AFTPH: variants seen among roughly 807,000 people sequenced by gnomAD.
The protein encoded by AFTPH is aftiphilin, also known as aftiphilin protein.
A neutral mutation model predicts 72.5 loss-of-function variants in AFTPH; 7 were observed. That is an observed-to-expected ratio of 0.10 (90% CI 0.05 to 0.18). The LOEUF (loss-of-function observed/expected upper bound fraction) is 0.18. AFTPH is among the 10% of genes least tolerant of loss of function. The pLI is 1.00. For synonymous variants in AFTPH, 337 were observed against 370.1 expected, an observed-to-expected ratio of 0.91 and a Z score of 1.03; for missense variants, 979 against 1,060.5, an observed-to-expected ratio of 0.92 and a Z score of 1.07.
chr2:64,591,912 A>G, exon 9 of AFTPH: 2 of 1,613,994 alleles, frequency 1.2e-6, no homozygotes, highest in Non-Finnish European at 1.7e-6. Context: ...AAGAGCACCT[A>G]AGTGAAGAAG....
At chr2:64,534,008 G>GTA (rs1220316189) in intron 1 of AFTPH, among the ~76,000 whole-genome samples, 9 of 152,144 alleles carry the variant, frequency 5.9e-5, no homozygotes, top group African/African-American at 1.2e-4. Flanking sequence ...ACATTTTAGT[G>GTA]AGGCCACAGT....
In AFTPH at chr2:64,573,469, GTATT is replaced by G. The variant is rs532878634; in HGVS notation, c.2394+405_2394+408del. 2.7e-3 allele frequency among the ~76,000 whole-genome samples: 408 copies of G among 151,234 alleles called. 2 individuals carry two copies. The highest frequency in any genetic ancestry group is 4.6e-3 in the Admixed American group (70 of 15,160). ...AAAAGAAAAGAAAAAAGGAAACACTGTATTTATACCAACTCTATAAGTCTGCTAT... is the reference window on the plus strand; with the variant it reads ...AAAAGAAAAGAAAAAAGGAAACACTGTATACCAACTCTATAAGTCTGCTAT... On this transcript the variant is annotated intron_variant, in intron 6 of 8. Transcript: ENST00000238856.
exon 2 of AFTPH, chr2:64,552,225 G>A (rs777400382): frequency 6.2e-7 from 1 of 1,613,886 alleles, no homozygotes; most frequent in East Asian, 2.2e-5. Flanking sequence ...AATAGAATGT[G>A]CAGTTTTAAA....
rs929650813 is a variant in AFTPH, at chr2:64,579,563, A to T, written c.2455+17A>T. On this transcript the variant is annotated intron_variant, in intron 7 of 8. Coordinates refer to ENST00000238856, the Ensembl canonical transcript of AFTPH. ...CTTTAGATGGTACGTCTCTCCGTAG[A>T]GCCTCTAGCACCAGAGCTAGAGTTA... The T allele has an allele frequency of 2.5e-6, 4 of 1,609,198 alleles. No homozygotes were observed. The African/African-American group carries it at 5.3e-5, about 22-fold the overall frequency.
exon 3 of AFTPH, chr2:64,567,672 C>G (rs1177683017): frequency 6.2e-7 from 1 of 1,613,650 alleles, no homozygotes; most frequent in Non-Finnish European, 8.5e-7. Flanking sequence ...TGGAAACAAG[C>G]ACTTTGCCAA....
chr2:64,581,245 T>C (rs1673178061), intron 7 of AFTPH: 1 of 1,600,654 alleles, frequency 6.2e-7, no homozygotes, highest in African/African-American at 1.3e-5. Flanking sequence ...TGGATGACAG[T>C]AGCTCTAGCA....
At chr2:64,572,112 C>T (rs764856292) in intron 5 of AFTPH, among the ~76,000 whole-genome samples, 42 of 150,774 alleles carry the variant, frequency 2.8e-4, no homozygotes, top group Non-Finnish European at 5.2e-4. Context: ...CTTAGCTACT[C>T]GGGAGGCTGA....
At chr2:64,543,687 C>T (rs1387438412) in intron 1 of AFTPH, among the ~76,000 whole-genome samples, 1 of 152,214 alleles carries the variant, frequency 6.6e-6, no homozygotes, top group East Asian at 1.9e-4. Context: ...GACTTTAAAG[C>T]AAGTCTTGAT....
chr2:64,539,191 G>A (rs189350718), intron 1 of AFTPH, among the ~76,000 whole-genome samples: 240 of 152,256 alleles, frequency 1.6e-3, no homozygotes, highest in African/African-American at 5.6e-3. Flanking sequence ...TTTTCATGAA[G>A]TATTAAAGTC....
chr2:64,524,392 C>A (rs974451375), exon 1 of AFTPH: 2 of 403,572 alleles, frequency 5.0e-6, no homozygotes, highest in East Asian at 7.1e-5. Context: ...GAGGAGGCGG[C>A]GGCGGCGGCG....
exon 2 of AFTPH, chr2:64,552,803 C>T (rs749795876): frequency 1.2e-6 from 2 of 1,614,174 alleles, no homozygotes; most frequent in Admixed American, 3.3e-5. Context: ...CTGCCAGTGG[C>T]TCAACTCCAC....
chr2:64,553,130 T>C, exon 2 of AFTPH: 2 of 1,614,222 alleles, frequency 1.2e-6, no homozygotes, highest in East Asian at 2.2e-5. Context: ...GCAATGGTTT[T>C]CAAGACTCTG....
intron 1 of AFTPH, among the ~76,000 whole-genome samples, chr2:64,545,585 A>T: frequency 8.5e-6 from 1 of 117,688 alleles, no homozygotes; most frequent in South Asian, 2.7e-4. Flanking sequence ...AAAAAAAAAA[A>T]AAAAAAAAAA....
At chr2:64,586,371 A>C (rs1427157246) in intron 8 of AFTPH, among the ~76,000 whole-genome samples, 2 of 152,246 alleles carry the variant, frequency 1.3e-5, no homozygotes. Context: ...GAAGTGTTAT[A>C]GCTCTTTCTC....
exon 2 of AFTPH, chr2:64,552,105 C>T (rs764731230): frequency 1.9e-6 from 3 of 1,614,034 alleles, no homozygotes; most frequent in South Asian, 2.2e-5. Flanking sequence ...GGGACGGAAG[C>T]CTCTTAGCAC....
rs376881258 is a variant in AFTPH, at chr2:64,553,200, G to C, written c.1726G>C (p.Glu576Gln). Reference sequence around the variant, plus strand: ...CCAAGTTGTAGATTGGAATGCTTTTGAGGATGAACAAAAAGATAGTTGTTC... The same window carrying C: ...CCAAGTTGTAGATTGGAATGCTTTTCAGGATGAACAAAAAGATAGTTGTTC... The change falls in exon 2 of 9, where the codon GAG becomes CAG. Residue 576 changes from glutamate to glutamine, a missense_variant. By Grantham distance (29) the Glu-to-Gln change is conservative. Coordinates refer to ENST00000238856, the Ensembl canonical transcript of AFTPH. The C allele has an allele frequency of 1.2e-5, 20 of 1,614,048 alleles. No individual in the cohort carries two copies. In the African/African-American group the frequency reaches 2.5e-4, roughly 20 times the overall value.
At chr2:64,545,252 G>C (rs1480909734) in intron 1 of AFTPH, among the ~76,000 whole-genome samples, 1 of 151,802 alleles carries the variant, frequency 6.6e-6, no homozygotes, top group Non-Finnish European at 1.5e-5. Flanking sequence ...AAAGAGTTTG[G>C]CAGTTTTTTA....
intron 1 of AFTPH, among the ~76,000 whole-genome samples, chr2:64,530,333 T>A (rs1669556148): frequency 6.6e-6 from 1 of 152,194 alleles, no homozygotes; most frequent in Admixed American, 6.5e-5. Context: ...CAAGGCCATA[T>A]TCAGATTCTT....
At chr2:64,547,811 C>A (rs1307274407) in intron 1 of AFTPH, among the ~76,000 whole-genome samples, 1 of 151,962 alleles carries the variant, frequency 6.6e-6, no homozygotes, top group Non-Finnish European at 1.5e-5. Context: ...GAGACAGGGT[C>A]TCACTCTGTC....
Sources: allele counts gnomAD v4.1 joint callset (sites outside exome capture counted in the v4.1 genomes callset), GRCh38; gene constraint gnomAD v4.1.1; transcripts MANE v1.5; gene names NCBI Gene and HGNC (gene_info 2026-07-23, HGNC 2026-07-21).